Variants in PREX2 observed in about 807,000 individuals in gnomAD.
The protein encoded by PREX2 is phosphatidylinositol 3,4,5-trisphosphate-dependent Rac exchanger 2 protein.
PREX2 carries 107 observed loss-of-function variants against 203.2 expected under a neutral mutation model. That is an observed-to-expected ratio of 0.53 (90% confidence interval 0.45 to 0.62). PREX2 has a LOEUF of 0.62. Among genes scored for constraint, PREX2 ranks in the 20% least tolerant of loss-of-function variants. The pLI is 0.00. For synonymous variants in PREX2, 672 were observed against 663.6 expected, an observed-to-expected ratio of 1.01 and a Z score of -0.19; for missense variants, 1,777 against 1,955.9, an observed-to-expected ratio of 0.91 and a Z score of 1.72.
At chr8:68,049,653 T>A (rs184298427) in intron 8 of PREX2, among the ~76,000 whole-genome samples, 3 of 152,248 alleles carry the variant, frequency 2.0e-5, no homozygotes, top group Admixed American at 1.3e-4. Flanking sequence ...TATTCCACAT[T>A]TAAAGAATGG....
intron 5 of PREX2, 39 bp downstream of exon 5, chr8:68,027,362 A>G (rs763332354): frequency 1.6e-6 from 2 of 1,229,064 alleles, no homozygotes; most frequent in Admixed American, 1.7e-5. Flanking sequence ...ATTTTCTTGT[A>G]TCTACATATT....
At chr8:68,026,480 CTGTTT>C (rs1214472040) in intron 4 of PREX2, among the ~76,000 whole-genome samples, 8 of 152,034 alleles carry the variant, frequency 5.3e-5, no homozygotes, top group African/African-American at 9.7e-5. Flanking sequence ...AGTTTCAAGT[CTGTTT>C]CATTGCATGT....
At chr8:68,038,077 C>A (rs1808086553) in intron 6 of PREX2, 82 bp from the exon 7 acceptor site, 3 of 1,425,632 alleles carry the variant, frequency 2.1e-6, no homozygotes, top group Non-Finnish European at 2.9e-6. Flanking sequence ...ATAAAAACAA[C>A]CATAATTGTA....
At chr8:68,221,445 G>C (rs778477460) in intron 38 of PREX2, among the ~76,000 whole-genome samples, 1 of 152,082 alleles carries the variant, frequency 6.6e-6, no homozygotes. Flanking sequence ...GATAATAATA[G>C]TACTTGTTTC....
At chr8:68,042,170 C>T (rs1352527137) in intron 7 of PREX2, among the ~76,000 whole-genome samples, 1 of 151,956 alleles carries the variant, frequency 6.6e-6, no homozygotes, top group Admixed American at 6.6e-5. Context: ...GTAAAGGGAG[C>T]CTTTTACAAA....
At chr8:68,128,618 C>A (rs1810943331) in intron 31 of PREX2, among the ~76,000 whole-genome samples, 1 of 152,118 alleles carries the variant, frequency 6.6e-6, no homozygotes, top group African/African-American at 2.4e-5. Flanking sequence ...GCCTGTCTCT[C>A]ATCATCTATG....
chr8:68,133,474 T>G (rs997900755), intron 31 of PREX2, among the ~76,000 whole-genome samples: 3 of 152,214 alleles, frequency 2.0e-5, no homozygotes, highest in Non-Finnish European at 4.4e-5. Context: ...ATTCATATTC[T>G]TATATATTAG....
At chr8:68,206,422 A>G (rs1465775779) in intron 37 of PREX2, among the ~76,000 whole-genome samples, 3 of 152,178 alleles carry the variant, frequency 2.0e-5, no homozygotes, top group Non-Finnish European at 4.4e-5. Context: ...TGTAGCTACT[A>G]AAAATAGGAT....
At chr8:67,954,884 A>G (rs753866317) in intron 1 of PREX2, among the ~76,000 whole-genome samples, 27 of 152,256 alleles carry the variant, frequency 1.8e-4, no homozygotes, top group Non-Finnish European at 3.7e-4. Context: ...TAAAAAGATC[A>G]TATGTCCTAG....
chr8:68,181,145 C>T (rs1268138206), intron 35 of PREX2, among the ~76,000 whole-genome samples: 1 of 152,162 alleles, frequency 6.6e-6, no homozygotes, highest in African/African-American at 2.4e-5. Flanking sequence ...ATAAACATGA[C>T]AAAGTCCATG....
At chr8:68,072,218 T>A (rs1047799286) in intron 13 of PREX2, among the ~76,000 whole-genome samples, 6 of 152,146 alleles carry the variant, frequency 3.9e-5, no homozygotes, top group Admixed American at 1.3e-4. Context: ...GCAGTAATAA[T>A]CTATTTGGAT....
intron 1 of PREX2, among the ~76,000 whole-genome samples, chr8:68,001,512 C>G (rs1369182193): frequency 6.6e-6 from 1 of 152,120 alleles, no homozygotes; most frequent in African/African-American, 2.4e-5. Flanking sequence ...TGAATTAGTT[C>G]AACCCTTATG....
In PREX2 at chr8:68,108,276, G is replaced by A; in HGVS notation, c.2883G>A (p.Gln961=). 2.5e-6 allele frequency: 4 copies of A among 1,613,980 alleles called. No individual in the cohort carries two copies. The highest frequency in any genetic ancestry group is 3.4e-6 in the Non-Finnish European group (4 of 1,179,910). The stretch of plus-strand genomic sequence containing the variant: ...CTTTGGGAAGTGCATTTGGTGTTCA[G>A]TTGGATAGCAGGAAGCATAATTCTC... The part of the protein sequence containing the change: ...STSLGSAFGV[Q]LDSRKHNSHD... The change falls in exon 24 of 40, where the codon CAG becomes CAA. Residue 961 remains glutamine (Q), a synonymous_variant. Coordinates refer to ENST00000288368, the MANE Select transcript of PREX2 (RefSeq NM_024870.4).
chr8:68,209,479 G>A (rs1812704776), intron 37 of PREX2, among the ~76,000 whole-genome samples: 1 of 152,072 alleles, frequency 6.6e-6, no homozygotes, highest in Non-Finnish European at 1.5e-5. Context: ...TTCATGTGAA[G>A]AATATTATCA....
chr8:67,981,454 G>A (rs1389477459), intron 1 of PREX2, among the ~76,000 whole-genome samples: 3 of 152,220 alleles, frequency 2.0e-5, no homozygotes, highest in Non-Finnish European at 4.4e-5. Flanking sequence ...CATCACAGTT[G>A]TTGAGAGCAA....
intron 1 of PREX2, among the ~76,000 whole-genome samples, chr8:67,997,429 G>T (rs1806797143): frequency 6.6e-6 from 1 of 152,162 alleles, no homozygotes; most frequent in Non-Finnish European, 1.5e-5. Flanking sequence ...CAATAACTAA[G>T]AAAATAGAAC....
At chr8:68,080,669 C>A in intron 16 of PREX2, 77 bp from the exon 17 acceptor site, 1 of 1,421,640 alleles carries the variant, frequency 7.0e-7, no homozygotes, top group Non-Finnish European at 9.8e-7. Flanking sequence ...GACGGTGATG[C>A]ACATTACTTC....
chr8:67,969,854 A>G (rs1805875612), intron 1 of PREX2, among the ~76,000 whole-genome samples: 1 of 152,194 alleles, frequency 6.6e-6, no homozygotes, highest in Non-Finnish European at 1.5e-5. Flanking sequence ...TTCAGCTCAC[A>G]TACATTCCCA....
intron 1 of PREX2, among the ~76,000 whole-genome samples, chr8:67,973,019 A>G (rs1461761958): frequency 6.6e-6 from 1 of 152,128 alleles, no homozygotes; most frequent in Non-Finnish European, 1.5e-5. Context: ...TGGAAGGCTC[A>G]GTGTCATCTT....
Sources: gnomAD v4.1 joint callset for allele counts (sites outside exome capture counted in the v4.1 genomes callset) on GRCh38, gnomAD v4.1.1 for gene constraint, MANE v1.5 for transcripts, NCBI Gene and HGNC (gene_info 2026-07-23, HGNC 2026-07-21) for gene names.